GPR4: variants seen among roughly 807,000 people sequenced by gnomAD.
GPR4 encodes the protein G-prodeshotein coupled receptor 4.
Under a neutral mutation model 17.8 loss-of-function variants are expected in GPR4, and 11 were observed. That is an observed-to-expected ratio of 0.62 (90% CI 0.39 to 1.02). The LOEUF (loss-of-function observed/expected upper bound fraction) is 1.02. GPR4 is among the 50% of genes least tolerant of loss of function. The pLI is 0.00. For synonymous variants in GPR4, 219 were observed against 222.8 expected, an observed-to-expected ratio of 0.98 and a Z score of 0.15; for missense variants, 364 against 495.4, an observed-to-expected ratio of 0.73 and a Z score of 2.52.
At chr19:45,601,226 A>G (rs540137687) in intron 1 of GPR4, among the ~76,000 whole-genome samples, 71 of 152,100 alleles carry the variant, frequency 4.7e-4, no homozygotes, top group Non-Finnish European at 9.1e-4. Flanking sequence ...ACATCCCACA[A>G]CCGATGCCTC....
chr19:45,591,712 A>G lies in GPR4; in HGVS notation c.155T>C (p.Leu52Pro). 6.2e-7 allele frequency: 1 copy of G among 1,614,096 alleles called. No individual in the cohort carries two copies. The highest frequency in any genetic ancestry group is 8.5e-7 in the Non-Finnish European group (1 of 1,179,980). ...AYRQVQQRNE[L>P]GVYLMNLSIA... ...GCTGAGGTTCATCAGGTAGACGCCCAGCTCGTTGCGCTGTTGCACCTGGCG... is the reference window on the plus strand; with the variant it reads ...GCTGAGGTTCATCAGGTAGACGCCCGGCTCGTTGCGCTGTTGCACCTGGCG... Residue 52 changes from leucine (L) to proline (P), a missense_variant, in exon 2 of 2, where the codon CTG (leucine) becomes CCG (proline). Leu to Pro is a moderately conservative substitution (Grantham distance 98). Coordinates refer to ENST00000323040, the MANE Select transcript of GPR4 (RefSeq NM_005282.3). The surrounding 1 kb of genome is among the most constrained non-coding windows in gnomAD (Gnocchi z 7.6).
intron 1 of GPR4, among the ~76,000 whole-genome samples, chr19:45,599,465 C>A (rs989826283): frequency 6.6e-6 from 1 of 150,780 alleles, no homozygotes; most frequent in African/African-American, 2.4e-5. Context: ...CCCCAAGGGA[C>A]CAGCCAGCTC....
Position 45,592,112 on chromosome 19 carries a change from G to A in GPR4, c.-246C>T. The A allele has an allele frequency of 4.3e-6, 2 of 463,160 alleles. No homozygotes were observed. 28.7% of individuals were successfully genotyped at this position (463,160 alleles called of 1,614,324 possible). A position where few individuals can be genotyped will look rare whatever the true frequency, so the allele number is the denominator to read the frequency against. ...AGGAGGGAAGTCTGGAGGATGGTGA[G>A]ATTAATAAAGAGGTTTTTCAAGGAG... On this transcript the variant is annotated 5_prime_UTR_variant, in exon 2 of 2. Coordinates refer to ENST00000323040, the MANE Select transcript of GPR4 (RefSeq NM_005282.3).
chr19:45,600,376 C>T (rs1390066548), intron 1 of GPR4, among the ~76,000 whole-genome samples: 1 of 152,072 alleles, frequency 6.6e-6, no homozygotes, highest in African/African-American at 2.4e-5. Context: ...TCCCGGTTCC[C>T]CTCCACCTCC....
At position 45,591,840 on chromosome 19, in the gene GPR4, G is replaced by A. The variant is rs1463149499; in HGVS notation, c.27C>T (p.Cys9=). ...GGTGGTCCACGCGCGAGTCCACGTG[G>A]CAGCCCTCCCACGTGTGGTTGCCCA... MGNHTWEG[C]HVDSRVDHLF... The change falls in exon 2 of 2, where the codon TGC becomes TGT. Residue 9 remains cysteine, a synonymous_variant. Coordinates refer to ENST00000323040, the MANE Select transcript of GPR4 (RefSeq NM_005282.3). This position sits in a 1 kb window ranked among gnomAD's most constrained non-coding sequence, Gnocchi z 7.6. 6.3e-7 allele frequency: 1 copy of A among 1,577,264 alleles called. No individual in the cohort carries two copies.
chr19:45,590,053 C>CTAGAAACT lies in GPR4; in HGVS notation c.*717_*724dup, dbSNP rs1349599860. 3 of 152,214 alleles carry CTAGAAACT rather than the reference C, an allele frequency of 2.0e-5. No individual in the cohort carries two copies. Among genetic ancestry groups the CTAGAAACT allele is most frequent in the Non-Finnish European group, 4.4e-5 (3 of 68,060 alleles). 9.4% of individuals were successfully genotyped at this position (152,214 alleles called of 1,614,324 possible). ...TCTTGACTTGGAGATCGCTGTTTAT[C>CTAGAAACT]TAGAAACTTAGAATTGCGGTCTTAT... On this transcript the variant is annotated 3_prime_UTR_variant, in exon 2 of 2. Coordinates refer to ENST00000323040, the MANE Select transcript of GPR4 (RefSeq NM_005282.3).
intron 1 of GPR4, among the ~76,000 whole-genome samples, 192 bp from the exon 2 acceptor site, chr19:45,592,889 T>C (rs1232806665): frequency 3.3e-5 from 5 of 151,966 alleles, no homozygotes; most frequent in African/African-American, 9.7e-5. Context: ...CTGACAGATA[T>C]TAGAATAAAG....
chr19:45,596,270 A>C (rs1033898761), intron 1 of GPR4, among the ~76,000 whole-genome samples: 1 of 149,674 alleles, frequency 6.7e-6, no homozygotes, highest in Non-Finnish European at 1.5e-5. Flanking sequence ...CAATGTCCCA[A>C]TCTTGGCTCA....
At position 45,590,797 on chromosome 19, in the gene GPR4, A is replaced by T; in HGVS notation, c.1070T>A (p.Met357Lys). The change falls in exon 2 of 2, where the codon ATG becomes AAG. Residue 357 changes from methionine to lysine, a missense_variant. Met to Lys is a moderately conservative substitution (Grantham distance 95). Transcript: ENST00000323040. Reference protein sequence around the residue: ...PSQGDQVQLKMLPPAQ With the variant: ...PSQGDQVQLKKLPPAQ ...CGGGGTTCATTGTGCTGGCGGCAGC[A>T]TCTTCAGCTGCACCTGGTCCCCCTG... is the stretch of plus-strand genomic sequence containing the variant. 3 of 1,577,542 alleles carry T rather than the reference A, an allele frequency of 1.9e-6. No individual in the cohort carries two copies. The highest frequency in any genetic ancestry group is 2.6e-6 in the Non-Finnish European group (3 of 1,161,002).
At chr19:45,597,533 C>T (rs1970069977) in intron 1 of GPR4, among the ~76,000 whole-genome samples, 1 of 152,186 alleles carries the variant, frequency 6.6e-6, no homozygotes, top group Admixed American at 6.5e-5. Flanking sequence ...ACTTTGTGTG[C>T]CTTGTTGACT....
At chr19:45,596,187 T>C (rs905328295) in intron 1 of GPR4, among the ~76,000 whole-genome samples, 1 of 149,868 alleles carries the variant, frequency 6.7e-6, no homozygotes, top group Admixed American at 6.8e-5. Context: ...CAGAAAGATC[T>C]TTCTTTTCTT....
At position 45,591,147 on chromosome 19, in the gene GPR4, AT is replaced by A; in HGVS notation, c.719del (p.Tyr240PhefsTer99). ...CGCTGCGGGACAGCAAGAGCACGTG[AT>A]AGGGCGCAAAGCAGACCAGCACGAT... is the stretch of plus-strand genomic sequence containing the variant. ...IAIVLVCFAP[Y>X]HVLLLSRSAI... On this transcript the variant is annotated frameshift_variant, in exon 2 of 2. Coordinates refer to ENST00000323040, the MANE Select transcript of GPR4 (RefSeq NM_005282.3). LOFTEE classifies it high-confidence loss of function. The surrounding 1 kb of genome is among the most constrained non-coding windows in gnomAD (Gnocchi z 7.6). 6.2e-7 allele frequency: 1 copy of A among 1,613,664 alleles called. No homozygotes were observed. The highest frequency in any genetic ancestry group is 8.5e-7 in the Non-Finnish European group (1 of 1,179,990).
intron 1 of GPR4, among the ~76,000 whole-genome samples, chr19:45,593,956 A>G (rs1970025784): frequency 6.8e-6 from 1 of 147,814 alleles, no homozygotes; most frequent in African/African-American, 2.5e-5. Flanking sequence ...CACAGCTCAC[A>G]GCAGCCTCAA....
intron 1 of GPR4, among the ~76,000 whole-genome samples, chr19:45,601,177 A>G (rs190703498): frequency 6.6e-6 from 1 of 152,246 alleles, no homozygotes; most frequent in East Asian, 1.9e-4. Context: ...CGCCAAACAA[A>G]TTCCCCAATG....
Position 45,591,771 on chromosome 19 carries a change from C to G in GPR4, c.96G>C (p.Leu32=). The part of the protein sequence containing the change: ...SLYIFVIGVG[L]PTNCLALWAA... ...CCCACAGAGCCAGGCAGTTGGTGGG[C>G]AGCCCCACGCCGATGACAAAGATGT... The change falls in exon 2 of 2, where the codon CTG becomes CTC. Residue 32 remains leucine, a synonymous_variant. Coordinates refer to ENST00000323040, the MANE Select transcript of GPR4 (RefSeq NM_005282.3). This position sits in a 1 kb window ranked among gnomAD's most constrained non-coding sequence, Gnocchi z 7.6. 1.9e-6 allele frequency: 3 copies of G among 1,613,284 alleles called. No homozygotes were observed. Among genetic ancestry groups the G allele is most frequent in the African/African-American group, 1.3e-5 (1 of 75,068 alleles).
At chr19:45,596,922 C>T (rs1004152378) in intron 1 of GPR4, among the ~76,000 whole-genome samples, 12 of 152,302 alleles carry the variant, frequency 7.9e-5, no homozygotes, top group South Asian at 4.1e-4. Flanking sequence ...ACTCCTCATC[C>T]GGAGTCACAA....
At chr19:45,602,049 G>A (rs575375763) in intron 1 of GPR4, 46 bp downstream of exon 1, 4 of 152,334 alleles carry the variant, frequency 2.6e-5, no homozygotes, top group Admixed American at 2.6e-4. Context: ...GCAACCTAGT[G>A]AGACCCCGCA....
chr19:45,594,501 C>A (rs944072721), intron 1 of GPR4, among the ~76,000 whole-genome samples: 5 of 151,872 alleles, frequency 3.3e-5, no homozygotes, highest in Admixed American at 2.6e-4. Flanking sequence ...GCCACCATGC[C>A]CGGCCAATTT....
chr19:45,591,296 G>A lies in GPR4; in HGVS notation c.571C>T (p.Leu191Phe). The change falls in exon 2 of 2, where the codon CTC becomes TTC. Residue 191 changes from leucine to phenylalanine, a missense_variant. By Grantham distance (22) the Leu-to-Phe change is conservative. Coordinates refer to ENST00000323040, the MANE Select transcript of GPR4 (RefSeq NM_005282.3). The surrounding 1 kb of genome is among the most constrained non-coding windows in gnomAD (Gnocchi z 7.6). ...MNLYRVFVGF[L>F]FPWALMLLSY... The stretch of plus-strand genomic sequence containing the variant: ...AGCAGCATGAGCGCCCACGGGAAGA[G>A]GAAGCCCACGAACACCCGATAGAGG... The A allele has an allele frequency of 6.2e-7, 1 of 1,612,940 alleles. No homozygotes were observed. The highest frequency in any genetic ancestry group is 8.5e-7 in the Non-Finnish European group (1 of 1,179,842).
Sources: gnomAD v4.1 joint callset for allele counts (sites outside exome capture counted in the v4.1 genomes callset) on GRCh38, gnomAD v4.1.1 for gene constraint, Gnocchi (gnomAD v3.1) non-coding constraint, MANE v1.5 for transcripts, NCBI Gene and HGNC (gene_info 2026-07-23, HGNC 2026-07-21) for gene names.